The following EPHA5 variants were observed in gnomAD, a reference collection of about 807,000 sequenced individuals.
EPHA5 encodes EPH receptor A5.
A neutral mutation model predicts 105.0 loss-of-function variants in EPHA5; 60 were observed. The ratio of observed to expected loss-of-function variants is 0.57; its 90% CI spans 0.46 to 0.71. EPHA5 has a LOEUF of 0.71. Among genes scored for constraint, EPHA5 ranks in the 30% least tolerant of loss-of-function variants. The probability of loss-of-function intolerance (pLI) is 0.00; values close to 1 mark genes in which losing one functional copy is unlikely to be tolerated. For synonymous variants in EPHA5, 513 were observed against 449.1 expected, an observed-to-expected ratio of 1.14 and a Z score of -1.80; for missense variants, 1,218 against 1,274.7, an observed-to-expected ratio of 0.96 and a Z score of 0.68.
At chr4:65,327,797 A>G (rs1047227589) in intron 16 of EPHA5, among the ~76,000 whole-genome samples, 25 of 151,172 alleles carry the variant, frequency 1.7e-4, no homozygotes, top group Non-Finnish European at 3.3e-4. Context: ...AGGTTAAATA[A>G]CTGTTCAAAT....
rs1435536120 is a variant in EPHA5 at position 65,321,880 on chromosome 4, CA to C, written c.*2233del. 3 of 225,322 alleles carry C rather than the reference CA, an allele frequency of 1.3e-5. No individual in the cohort carries two copies. The highest frequency in any genetic ancestry group is 1.8e-5 in the Non-Finnish European group (2 of 113,120). 14.0% of individuals were successfully genotyped at this position (225,322 alleles called of 1,614,324 possible). A position where few individuals can be genotyped will look rare whatever the true frequency, so the allele number is the denominator to read the frequency against. On this transcript the variant is annotated 3_prime_UTR_variant, in exon 17 of 17. Transcript: ENST00000613740. ...GCATATGGTAATTTTCCTTTTGAAT[CA>C]ATAAGGCTTTCATTCTGAAGTTTCT...
intron 1 of EPHA5, chr4:65,669,360 C>T: frequency 3.1e-6 from 3 of 977,120 alleles, no homozygotes; most frequent in Non-Finnish European, 3.6e-6. Flanking sequence ...GCCCAGCACT[C>T]CGCAGCTAAC....
At chr4:65,616,556 C>A (rs1340766231) in intron 2 of EPHA5, among the ~76,000 whole-genome samples, 1 of 151,476 alleles carries the variant, frequency 6.6e-6, no homozygotes, top group East Asian at 1.9e-4. Context: ...TCAATAAAAA[C>A]AAAAATTATA....
At chr4:65,488,426 G>A (rs949805206) in intron 5 of EPHA5, among the ~76,000 whole-genome samples, 4 of 147,116 alleles carry the variant, frequency 2.7e-5, no homozygotes, top group African/African-American at 9.9e-5. Context: ...GTTGAAAGAT[G>A]TTTCGTAAGA....
chr4:65,371,223 A>G (rs1480614006), intron 8 of EPHA5, among the ~76,000 whole-genome samples: 1 of 152,122 alleles, frequency 6.6e-6, no homozygotes, highest in Non-Finnish European at 1.5e-5. Flanking sequence ...CTAATCATTT[A>G]TACTCATGTC....
At chr4:65,634,489 G>A (rs1746935385) in intron 2 of EPHA5, among the ~76,000 whole-genome samples, 2 of 151,942 alleles carry the variant, frequency 1.3e-5, no homozygotes, top group Non-Finnish European at 2.9e-5. Context: ...AAATCTAAAT[G>A]CAAAATATTT....
At chr4:65,419,895 G>A (rs1039208939) in intron 6 of EPHA5, among the ~76,000 whole-genome samples, 2 of 152,162 alleles carry the variant, frequency 1.3e-5, no homozygotes, top group African/African-American at 4.8e-5. Context: ...GAGACTCAGA[G>A]AACAAGGGGA....
At chr4:65,440,338 G>A (rs891602925) in intron 5 of EPHA5, among the ~76,000 whole-genome samples, 1 of 151,812 alleles carries the variant, frequency 6.6e-6, no homozygotes, top group Admixed American at 6.6e-5. Context: ...AGAGAATATG[G>A]CCATAAAACA....
chr4:65,406,378 C>A (rs551782931), intron 7 of EPHA5, among the ~76,000 whole-genome samples: 4 of 152,110 alleles, frequency 2.6e-5, no homozygotes, highest in Admixed American at 1.3e-4. Flanking sequence ...CATTGTAAGG[C>A]GTTTGACTTA....
rs1382999537 is a variant in EPHA5 at position 65,504,575 on chromosome 4, A to G, written c.911-9032T>C. Reference sequence around the variant, plus strand: ...CAAGGGTATGGAAAAATATTTATGGAAAGACATTCTGTAGTGATGTGATGG... The same window carrying G: ...CAAGGGTATGGAAAAATATTTATGGGAAGACATTCTGTAGTGATGTGATGG... On this transcript the variant is annotated intron_variant, in intron 3 of 16. Transcript: ENST00000613740. Among the ~76,000 whole-genome samples, 10 of 151,860 alleles carry G rather than the reference A, an allele frequency of 6.6e-5. No homozygotes were observed. In the Admixed American group the frequency reaches 6.6e-4, roughly 10 times the overall value.
chr4:65,366,983 G>A (rs1372696359), intron 9 of EPHA5, among the ~76,000 whole-genome samples: 7 of 151,558 alleles, frequency 4.6e-5, no homozygotes, highest in Non-Finnish European at 8.8e-5. Flanking sequence ...AAAAACCTGA[G>A]AAATTTTATT....
At chr4:65,488,699 G>A (rs535938469) in intron 5 of EPHA5, among the ~76,000 whole-genome samples, 29 of 152,172 alleles carry the variant, frequency 1.9e-4, no homozygotes, top group African/African-American at 7.0e-4. Context: ...TTATATGTGT[G>A]CATTATATTT....
chr4:65,447,906 A>G (rs149901599), intron 5 of EPHA5, among the ~76,000 whole-genome samples: 1,730 of 152,286 alleles, frequency 0.011, 37 homozygotes, highest in African/African-American at 0.04. Context: ...TTTATCTAAC[A>G]AAAGTGTCAA....
intron 3 of EPHA5, among the ~76,000 whole-genome samples, chr4:65,573,054 A>C (rs937075176): frequency 1.3e-5 from 2 of 152,038 alleles, no homozygotes; most frequent in Admixed American, 1.3e-4. Context: ...AGAATAATAA[A>C]AATAATAGTT....
chr4:65,414,812 C>G (rs1053955014), intron 6 of EPHA5, among the ~76,000 whole-genome samples: 6 of 152,112 alleles, frequency 3.9e-5, no homozygotes, highest in Admixed American at 6.6e-5. Flanking sequence ...CGGAGCATGT[C>G]TAACATACTG....
intron 11 of EPHA5, among the ~76,000 whole-genome samples, chr4:65,361,416 A>G (rs1717304558): frequency 6.6e-6 from 1 of 151,642 alleles, no homozygotes. Context: ...TAAGTATGAA[A>G]GTCTATGCAT....
intron 5 of EPHA5, among the ~76,000 whole-genome samples, chr4:65,486,791 A>G (rs1017370057): frequency 6.6e-5 from 10 of 152,270 alleles, no homozygotes; most frequent in African/African-American, 2.4e-4. Context: ...CCACCTTTGC[A>G]GAGATTATAA....
At chr4:65,342,928 C>A (rs1721872316) in intron 14 of EPHA5, among the ~76,000 whole-genome samples, 2 of 151,816 alleles carry the variant, frequency 1.3e-5, no homozygotes, top group African/African-American at 4.8e-5. Flanking sequence ...AGTAATAAAA[C>A]GACTGGATTA....
chr4:65,597,087 A>G (rs1743267240), intron 3 of EPHA5, among the ~76,000 whole-genome samples: 1 of 152,130 alleles, frequency 6.6e-6, no homozygotes, highest in African/African-American at 2.4e-5. Flanking sequence ...TCCCAGTTGG[A>G]CAATTAATAA....
Sources: gnomAD v4.1 joint callset for allele counts (sites outside exome capture counted in the v4.1 genomes callset) on GRCh38, gnomAD v4.1.1 for gene constraint, MANE v1.5 for transcripts, NCBI Gene and HGNC (gene_info 2026-07-23, HGNC 2026-07-21) for gene names.